The following PNPLA7 variants were observed in gnomAD, a reference collection of about 807,000 sequenced individuals.
The protein encoded by PNPLA7 is patatin-like phospholipase domain-containing protein 7.
Under a neutral mutation model 161.7 loss-of-function variants are expected in PNPLA7, and 153 were observed. The observed-to-expected ratio is 0.95, with a 90% confidence interval of 0.83 to 1.08. The LOEUF (loss-of-function observed/expected upper bound fraction) is 1.08. PNPLA7 is among the 50% of genes least tolerant of loss of function. PNPLA7 has a pLI of 0.00. For missense variants in PNPLA7, 1,739 were observed against 1,856.6 expected (o/e 0.94, Z 1.16); for synonymous variants, 809 against 782.1 (o/e 1.03, Z -0.57).
chr9:137,488,417 G>T, intron 20 of PNPLA7, among the ~76,000 whole-genome samples: 1 of 152,214 alleles, frequency 6.6e-6, no homozygotes, highest in East Asian at 1.9e-4. Context: ...AAAAGCACTG[G>T]TGAGGTTCTG....
chr9:137,461,391 C>T, intron 33 of PNPLA7, 145 bp downstream of exon 33: 1 of 890,698 alleles, frequency 1.1e-6, no homozygotes, highest in Non-Finnish European at 1.7e-6. Flanking sequence ...GGAGGAGTGC[C>T]ACCAAGCACC....
rs1554767775 is a variant in PNPLA7 at position 137,502,737 on chromosome 9, C to CGGGGGGGACGCGGGGGACGCGGGGGAT, written c.1474-1011_1474-1010insATCCCCCGCGTCCCCCGCGTCCCCCCC. Among the ~76,000 whole-genome samples the CGGGGGGGACGCGGGGGACGCGGGGGAT allele has an allele frequency of 4.8e-5, 3 of 62,904 alleles. 1 individual carries two copies. The highest frequency in any genetic ancestry group is 1.2e-4 in the African/African-American group (2 of 16,822). 41.3% of individuals were successfully genotyped at this position (62,904 alleles called of 152,430 possible). A position where few individuals can be genotyped will look rare whatever the true frequency, so the allele number is the denominator to read the frequency against. ...CGGGGGACGCGGGGGACGGGGGGGA[C>CGGGGGGGACGCGGGGGACGCGGGGGAT]GAGAGGGATGTGGGAGCCGGCCACG... On this transcript the variant is annotated intron_variant, in intron 14 of 34. Transcript: ENST00000406427.
chr9:137,481,172 T>G, intron 21 of PNPLA7, 149 bp from the exon 22 acceptor site: 1 of 787,336 alleles, frequency 1.3e-6, no homozygotes, highest in African/African-American at 1.7e-5. Flanking sequence ...GAGAGTCCAC[T>G]CCCCAACCCC....
At chr9:137,470,696 C>A (rs1474129519) in intron 25 of PNPLA7, among the ~76,000 whole-genome samples, 2 of 152,300 alleles carry the variant, frequency 1.3e-5, no homozygotes, top group South Asian at 4.1e-4. Flanking sequence ...CAATTTCAGT[C>A]CAGTCTTACT....
Position 137,515,485 on chromosome 9 carries a change from G to A in PNPLA7, c.1119C>T (p.Pro373=), listed in dbSNP as rs1357404215. The A allele has an allele frequency of 6.4e-7, 1 of 1,573,526 alleles. No individual in the cohort carries two copies. The highest frequency in any genetic ancestry group is 1.4e-5 in the African/African-American group (1 of 73,830). ...HGGGRPAAAG[P]LLKRSHSVPA... ...GGACGGAGTGGCTCCTCTTCAGCAG[G>A]GGCCCAGCAGCTGCCGGGCGGCCGC... is the stretch of plus-strand genomic sequence containing the variant. Residue 373 remains proline (P), a synonymous_variant, in exon 12 of 35, where the codon CCC becomes CCT. Coordinates refer to ENST00000406427, the MANE Select transcript of PNPLA7 (RefSeq NM_001098537.3).
At chr9:137,461,714 CCT>C in intron 32 of PNPLA7, 94 bp from the exon 33 acceptor site, 1 of 1,363,060 alleles carries the variant, frequency 7.3e-7, no homozygotes. Context: ...CACCCTGCGC[CCT>C]CTCTGCAGCC....
Position 137,501,739 on chromosome 9 carries a change from G to C in PNPLA7, c.1474-12C>G. On this transcript the variant is annotated splice_polypyrimidine_tract_variant and intron_variant, in intron 14 of 34. Coordinates refer to ENST00000406427, the MANE Select transcript of PNPLA7 (RefSeq NM_001098537.3). Reference sequence around the variant, plus strand: ...AACAGAGATGAGTCCTAAAAACAGAGCAGACTTCAGGGAACACGGGCGGGA... The same window carrying C: ...AACAGAGATGAGTCCTAAAAACAGACCAGACTTCAGGGAACACGGGCGGGA... 6.2e-7 allele frequency: 1 copy of C among 1,611,894 alleles called. No individual in the cohort carries two copies. The highest frequency in any genetic ancestry group is 8.5e-7 in the Non-Finnish European group (1 of 1,179,444).
chr9:137,485,081 G>A (rs1276545551), intron 20 of PNPLA7, among the ~76,000 whole-genome samples: 5 of 152,222 alleles, frequency 3.3e-5, no homozygotes, highest in Admixed American at 3.3e-4. Flanking sequence ...TCTCCAGGCC[G>A]GAGGCTGTCT....
At position 137,520,690 on chromosome 9, in the gene PNPLA7, C is replaced by T. The variant is rs532195176; in HGVS notation, c.958-647G>A. ...AAACCCTGGTCTCACTCAGTTCCCA[C>T]GAGAGCTCGGCTAGGTGGGGACCGT... On this transcript the variant is annotated intron_variant, in intron 10 of 34. Transcript: ENST00000406427. The surrounding 1 kb of genome is among the most constrained non-coding windows in gnomAD (Gnocchi z 5.2). Among the ~76,000 whole-genome samples the T allele has an allele frequency of 3.9e-5, 6 of 152,350 alleles. No homozygotes were observed. Among genetic ancestry groups the T allele is most frequent in the Admixed American group, 6.5e-5 (1 of 15,302 alleles).
At chr9:137,532,353 C>CTTG (rs1448454294) in intron 8 of PNPLA7, among the ~76,000 whole-genome samples, 1 of 152,156 alleles carries the variant, frequency 6.6e-6, no homozygotes, top group African/African-American at 2.4e-5. Flanking sequence ...ACAAGACTCA[C>CTTG]TTGAACCCAG....
Position 137,540,596 on chromosome 9 carries a change from G to A in PNPLA7, c.747+46C>T, listed in dbSNP as rs1225730130. 1.3e-6 allele frequency: 2 copies of A among 1,545,478 alleles called. No homozygotes were observed. Among genetic ancestry groups the A allele is most frequent in the Non-Finnish European group, 1.8e-6 (2 of 1,136,166 alleles). ...ACAAGACAGAAAAACCAGGCCTCCGGGGCCAACCCAGGGGCGCCCGGAGGG... is the reference window on the plus strand; with the variant it reads ...ACAAGACAGAAAAACCAGGCCTCCGAGGCCAACCCAGGGGCGCCCGGAGGG... On this transcript the variant is annotated intron_variant, in intron 8 of 34. Coordinates refer to ENST00000406427, the MANE Select transcript of PNPLA7 (RefSeq NM_001098537.3). This position sits in a 1 kb window ranked among gnomAD's most constrained non-coding sequence, Gnocchi z 5.1.
chr9:137,543,494 C>T lies in PNPLA7; in HGVS notation c.444G>A (p.Thr148=), dbSNP rs372103638. ...PPPSLLEADL[T]EFDVKNSHLP... is the part of the protein sequence containing the mutation. ...GGTGAGAATTCTTCACGTCAAACTC[C>T]GTGAGGTCGGCCTCCAGCAGGGAGG... The change falls in exon 6 of 35, where the codon ACG becomes ACA. Residue 148 remains threonine, a synonymous_variant. Transcript: ENST00000406427. This position sits in a 1 kb window ranked among gnomAD's most constrained non-coding sequence, Gnocchi z 6.9. 1.2e-5 allele frequency: 20 copies of T among 1,613,956 alleles called. No individual in the cohort carries two copies. The highest frequency in any genetic ancestry group is 5.3e-5 in the African/African-American group (4 of 74,926).
At chr9:137,497,962 G>A in intron 17 of PNPLA7, 152 bp downstream of exon 17, 1 of 1,226,376 alleles carries the variant, frequency 8.2e-7, no homozygotes, top group East Asian at 2.4e-5. Flanking sequence ...TCCGAGCTAA[G>A]CTGGGGTGGG....
rs143853424 is a variant in PNPLA7 at position 137,480,363 on chromosome 9, G to C, written c.2529C>G (p.Ala843=). 6.2e-7 allele frequency: 1 copy of C among 1,613,468 alleles called. No homozygotes were observed. Among genetic ancestry groups the C allele is most frequent in the Non-Finnish European group, 8.5e-7 (1 of 1,179,954 alleles). The change falls in exon 23 of 35, where the codon GCC becomes GCG. Residue 843 remains alanine (A), a synonymous_variant. Transcript: ENST00000406427. ...CCAGGCCCACGATGAGGATGCAGTC[G>C]GCCTGGCGCACGCAGCGCTGGGTCC... The part of the protein sequence containing the change: ...TPWTQRCVRQ[A]DCILIVGLGD...
At chr9:137,479,403 G>A (rs1004707144) in intron 23 of PNPLA7, 165 bp from the exon 24 acceptor site, 38 of 1,307,164 alleles carry the variant, frequency 2.9e-5, no homozygotes, top group Middle Eastern at 2.8e-4. Flanking sequence ...CGCTGCCGAA[G>A]CTCTGACGGC....
At chr9:137,549,339 G>A (rs976867850) in intron 1 of PNPLA7, among the ~76,000 whole-genome samples, 4 of 152,144 alleles carry the variant, frequency 2.6e-5, no homozygotes, top group Non-Finnish European at 1.5e-5. Context: ...AGGCCAAGGC[G>A]GGCGGATCAC....
At chr9:137,464,071 C>A (rs1831346842) in intron 28 of PNPLA7, 55 bp downstream of exon 28, 2 of 1,576,282 alleles carry the variant, frequency 1.3e-6, no homozygotes, top group Non-Finnish European at 1.7e-6. Flanking sequence ...GCTGAGCTCT[C>A]CCCCTGCCCA....
rs60496063 is a variant in PNPLA7, at chr9:137,467,926, A to T, written c.2883-453T>A. Among the ~76,000 whole-genome samples the T allele has an allele frequency of 0.032, 4,939 of 152,146 alleles. 261 individuals are homozygous for T. Among genetic ancestry groups the T allele is most frequent in the African/African-American group, 0.11 (4,614 of 41,472 alleles). ...ATAAATAAATAAATAAATTAATTAA[A>T]TAAATGAAATCCTTCCTTCTGGAGG... is the stretch of plus-strand genomic sequence containing the variant. On this transcript the variant is annotated intron_variant, in intron 25 of 34. Coordinates refer to ENST00000406427, the MANE Select transcript of PNPLA7 (RefSeq NM_001098537.3). The surrounding 1 kb of genome is among the most constrained non-coding windows in gnomAD (Gnocchi z 5.1).
In PNPLA7 at chr9:137,460,276, G is replaced by A. The variant is rs973245897; in HGVS notation, c.*117C>T. On this transcript the variant is annotated 3_prime_UTR_variant, in exon 35 of 35. Coordinates refer to ENST00000406427, the MANE Select transcript of PNPLA7 (RefSeq NM_001098537.3). ...GAACCCTAACACAGCCTGGGGCCCC[G>A]GGGAAGTCAGGGCTTCCAGCAGGGC... is the stretch of plus-strand genomic sequence containing the variant. 1.5e-5 allele frequency: 16 copies of A among 1,056,694 alleles called. No individual in the cohort carries two copies. In the South Asian group the frequency reaches 2.1e-4, roughly 14 times the overall value. 65.5% of individuals were successfully genotyped at this position (1,056,694 alleles called of 1,614,324 possible).
Sources: gnomAD v4.1 joint callset for allele counts (sites outside exome capture counted in the v4.1 genomes callset) on GRCh38, gnomAD v4.1.1 for gene constraint, Gnocchi (gnomAD v3.1) non-coding constraint, MANE v1.5 for transcripts, NCBI Gene and HGNC (gene_info 2026-07-23, HGNC 2026-07-21) for gene names.